CTPS2: variants seen among roughly 807,000 people sequenced by gnomAD.
CTPS2 encodes the protein CTP synthase 2.
A neutral mutation model predicts 46.8 loss-of-function variants in CTPS2; 19 were observed. The observed-to-expected ratio is 0.41, with a 90% CI of 0.28 to 0.60. The LOEUF is 0.60. Among genes scored for constraint, CTPS2 ranks in the 20% least tolerant of loss-of-function variants. The probability of loss-of-function intolerance (pLI) is 0.35; values close to 1 mark genes in which losing one functional copy is unlikely to be tolerated. For missense variants in CTPS2, 286 were observed against 447.6 expected (o/e 0.64, Z 3.26); for synonymous variants, 151 against 165.2 (o/e 0.91, Z 0.66).
chrX:16,689,828 G>A (rs1923546826), intron 7 of CTPS2, among the ~76,000 whole-genome samples: 1 of 111,733 alleles, frequency 8.9e-6, no homozygotes, highest in Non-Finnish European at 1.9e-5. Context: ...GAGGCGGGCA[G>A]ATCACCTGAT....
In CTPS2 at chrX:16,667,408, AC is replaced by A. The variant is rs1921289200; in HGVS notation, c.1296+105del. The A allele has an allele frequency of 2.4e-5, 20 of 838,140 alleles. No homozygotes were observed. In the South Asian group the frequency reaches 4.1e-4, roughly 17 times the overall value. The allele number at this position is 838,140 out of a possible 1,213,427, so 69.1% of individuals were successfully genotyped here. A position where few individuals can be genotyped will look rare whatever the true frequency, so the allele number is the denominator to read the frequency against. On this transcript the variant is annotated intron_variant, in intron 13 of 18. Coordinates refer to ENST00000359276, the MANE Select transcript of CTPS2 (RefSeq NM_175859.3). ...CTTGACCTCCCAAAGTGCTGGGATTACAGGGGTGAGCCATGGCGCCCAGCCA... is the reference window on the plus strand; with the variant it reads ...CTTGACCTCCCAAAGTGCTGGGATTAAGGGGTGAGCCATGGCGCCCAGCCA...
intron 4 of CTPS2, among the ~76,000 whole-genome samples, chrX:16,697,316 G>A (rs770845919): frequency 2.1e-4 from 23 of 110,321 alleles, no homozygotes; most frequent in African/African-American, 6.9e-4. Context: ...TCTTTCGCCC[G>A]GCAATTAAGC....
chrX:16,598,569 G>T (rs1602113874), intron 17 of CTPS2, among the ~76,000 whole-genome samples: 1 of 111,817 alleles, frequency 8.9e-6, no homozygotes, highest in Non-Finnish European at 1.9e-5. Flanking sequence ...ATAATCAATA[G>T]CTTACCAACC....
chrX:16,676,833 G>A (rs1018877467), intron 10 of CTPS2, among the ~76,000 whole-genome samples: 5 of 111,145 alleles, frequency 4.5e-5, no homozygotes, highest in African/African-American at 1.3e-4. Flanking sequence ...AGGCCAAGGC[G>A]GGTGGATAAC....
Position 16,679,658 on chromosome X carries a change from G to A in CTPS2, c.1006-1208C>T, listed in dbSNP as rs758113278. On this transcript the variant is annotated intron_variant, in intron 9 of 18. Transcript: ENST00000359276. The stretch of plus-strand genomic sequence containing the variant: ...GGAATGGTATTAGGAGGTAGGTGGG[G>A]TCTTTGAGGGATGATTAGGTCAAGA... Among the ~76,000 whole-genome samples the A allele has an allele frequency of 1.5e-4, 17 of 111,532 alleles. No individual in the cohort carries two copies. The South Asian group carries it at 6.4e-3, about 42-fold the overall frequency.
chrX:16,598,435 C>T (rs1325748512), intron 17 of CTPS2, among the ~76,000 whole-genome samples: 4 of 111,873 alleles, frequency 3.6e-5, no homozygotes, highest in African/African-American at 1.3e-4. Flanking sequence ...AACACCTCTA[C>T]CCAAATAAAC....
intron 17 of CTPS2, among the ~76,000 whole-genome samples, chrX:16,599,149 A>C (rs1244733115): frequency 8.9e-6 from 1 of 112,327 alleles, no homozygotes; most frequent in Non-Finnish European, 1.9e-5. Flanking sequence ...AAACTGGCAT[A>C]AGATAGGGAT....
intron 14 of CTPS2, among the ~76,000 whole-genome samples, chrX:16,632,963 T>C (rs1931557095): frequency 9.0e-6 from 1 of 111,677 alleles, no homozygotes; most frequent in Non-Finnish European, 1.9e-5. Context: ...AGGATATGTA[T>C]GCAAGCCAGT....
chrX:16,652,359 T>C (rs1932685014), intron 13 of CTPS2, among the ~76,000 whole-genome samples: 1 of 112,004 alleles, frequency 8.9e-6, no homozygotes, highest in South Asian at 3.7e-4. Context: ...GAAATGTCCC[T>C]TCTGCCAATA....
At chrX:16,642,294 C>T (rs779363981) in intron 13 of CTPS2, among the ~76,000 whole-genome samples, 3 of 111,561 alleles carry the variant, frequency 2.7e-5, no homozygotes, top group African/African-American at 9.8e-5. Flanking sequence ...AACATGCTAG[C>T]GTAGGAACCA....
At chrX:16,675,295 G>A (rs1471650012) in intron 10 of CTPS2, among the ~76,000 whole-genome samples, 1 of 109,704 alleles carries the variant, frequency 9.1e-6, no homozygotes, top group African/African-American at 3.3e-5. Flanking sequence ...ACTTGTAAAG[G>A]ATTATAGAAG....
In CTPS2 at chrX:16,677,448, CT is replaced by C. The variant is rs200287064; in HGVS notation, c.1094+913del. Among the ~76,000 whole-genome samples the C allele has an allele frequency of 5.5e-3, 609 of 111,309 alleles. 8 individuals carry two copies. The highest frequency in any genetic ancestry group is 0.019 in the African/African-American group (585 of 30,648). ...CTAATAGGGAGGAATGTCATTGCCC[CT>C]ATTCAACACGAAGAAGTTACAGAAG... is the stretch of plus-strand genomic sequence containing the variant. On this transcript the variant is annotated intron_variant, in intron 10 of 18. Transcript: ENST00000359276.
At chrX:16,596,472 T>A (rs1045057169) in intron 17 of CTPS2, among the ~76,000 whole-genome samples, 2 of 108,925 alleles carry the variant, frequency 1.8e-5, no homozygotes, top group Non-Finnish European at 3.8e-5. Context: ...GATAGTTTAC[T>A]GAGAATGATG....
At chrX:16,706,699 A>T (rs1925039522) in intron 1 of CTPS2, among the ~76,000 whole-genome samples, 1 of 110,798 alleles carries the variant, frequency 9.0e-6, no homozygotes, top group Non-Finnish European at 1.9e-5. Context: ...CATCTCTACT[A>T]AAAATACAAA....
chrX:16,694,786 G>A (rs1396056114), intron 4 of CTPS2, among the ~76,000 whole-genome samples: 1 of 112,364 alleles, frequency 8.9e-6, no homozygotes, highest in Admixed American at 9.5e-5. Context: ...TTGAGCACAG[G>A]AGTTTGAGAC....
chrX:16,705,435 T>C (rs1390877914), intron 1 of CTPS2, among the ~76,000 whole-genome samples: 1 of 111,687 alleles, frequency 9.0e-6, no homozygotes, highest in Non-Finnish European at 1.9e-5. Context: ...CGTGCCTTCA[T>C]GTCCTGGAAA....
At chrX:16,662,744 C>G (rs1443734369) in intron 13 of CTPS2, among the ~76,000 whole-genome samples, 2 of 105,044 alleles carry the variant, frequency 1.9e-5, no homozygotes, top group Non-Finnish European at 3.9e-5. Context: ...GATACAAGTG[C>G]TAGCTCTTAA....
intron 13 of CTPS2, among the ~76,000 whole-genome samples, chrX:16,660,155 T>A (rs1035077334): frequency 6.3e-5 from 7 of 111,728 alleles, no homozygotes; most frequent in African/African-American, 2.3e-4. Flanking sequence ...GTAATAGTAA[T>A]GCCAATTTAG....
At chrX:16,696,131 G>A (rs997333286) in intron 4 of CTPS2, among the ~76,000 whole-genome samples, 2 of 112,404 alleles carry the variant, frequency 1.8e-5, no homozygotes, top group Non-Finnish European at 3.8e-5. Flanking sequence ...AATAAAACCT[G>A]TCAGCTCCAC....
Sources: allele counts gnomAD v4.1 joint callset (sites outside exome capture counted in the v4.1 genomes callset), GRCh38; gene constraint gnomAD v4.1.1; transcripts MANE v1.5; gene names NCBI Gene and HGNC (gene_info 2026-07-23, HGNC 2026-07-21).